SKI: variants seen among roughly 807,000 people sequenced by gnomAD.
SKI encodes SKI proto-oncogene, also known as ski oncogene.
SKI carries 23 observed loss-of-function variants against 59.3 expected under a neutral mutation model. The ratio of observed to expected loss-of-function variants is 0.39; its 90% CI spans 0.28 to 0.55. SKI has a LOEUF of 0.55. SKI is among the 20% of genes least tolerant of loss of function. The pLI is 0.67. For synonymous variants in SKI, 673 were observed against 488.6 expected, an observed-to-expected ratio of 1.38 and a Z score of -4.98; for missense variants, 1,017 against 1,038.9, an observed-to-expected ratio of 0.98 and a Z score of 0.29.
chr1:2,238,174 G>A (rs965362228), intron 1 of SKI, among the ~76,000 whole-genome samples: 17 of 152,214 alleles, frequency 1.1e-4, no homozygotes, highest in African/African-American at 1.9e-4. Flanking sequence ...CTCATTGTCC[G>A]TGCTCAGAGA....
intron 1 of SKI, among the ~76,000 whole-genome samples, chr1:2,291,705 TG>T (rs5772064): frequency 0.88 from 133,091 of 151,580 alleles, 58,557 homozygotes; most frequent in African/African-American, 0.95. Context: ...TCTGGCATTG[TG>T]GGGGGGCCCC....
chr1:2,248,349 CAG>C (rs1286465447), intron 1 of SKI, among the ~76,000 whole-genome samples: 3 of 152,246 alleles, frequency 2.0e-5, no homozygotes, highest in Non-Finnish European at 4.4e-5. Context: ...CTGTGGGACT[CAG>C]GGTGGGTTCT....
chr1:2,264,214 G>A (rs1639449902), intron 1 of SKI, among the ~76,000 whole-genome samples: 1 of 152,202 alleles, frequency 6.6e-6, no homozygotes, highest in East Asian at 1.9e-4. Flanking sequence ...TATTTGCGTA[G>A]GTATAGAATT....
intron 5 of SKI, among the ~76,000 whole-genome samples, 192 bp from the exon 6 acceptor site, chr1:2,305,828 C>T (rs1640559063): frequency 6.6e-6 from 1 of 152,132 alleles, no homozygotes; most frequent in Non-Finnish European, 1.5e-5. Context: ...GCGGAAACTC[C>T]GGATGGGGGT....
At chr1:2,306,418 C>T (rs968942791) in intron 6 of SKI, among the ~76,000 whole-genome samples, 159 bp from the exon 7 acceptor site, 2 of 152,184 alleles carry the variant, frequency 1.3e-5, no homozygotes, top group Non-Finnish European at 2.9e-5. Context: ...TTGCTGGGCC[C>T]TGCGTCTCGT....
chr1:2,294,011 G>T (rs929343501), intron 1 of SKI, among the ~76,000 whole-genome samples: 16 of 152,198 alleles, frequency 1.1e-4, no homozygotes, highest in Admixed American at 6.5e-5. Flanking sequence ...GGCTCCCCAT[G>T]TTTTCTGAGG....
rs1385102115 is a variant in SKI at position 2,303,251 on chromosome 1, C to T, written c.1096-34C>T. The T allele has an allele frequency of 6.2e-7, 1 of 1,608,480 alleles. No homozygotes were observed. The highest frequency in any genetic ancestry group is 8.5e-7 in the Non-Finnish European group (1 of 1,176,440). ...GGACATGAAGTGGCTTGTTTTTCTC[C>T]TGGTCACTCACACAGACAACTCTTT... On this transcript the variant is annotated intron_variant, in intron 2 of 6. Transcript: ENST00000378536. This position sits in a 1 kb window ranked among gnomAD's most constrained non-coding sequence, Gnocchi z 5.6.
At chr1:2,266,679 G>A (rs1380329599) in intron 1 of SKI, among the ~76,000 whole-genome samples, 2 of 152,154 alleles carry the variant, frequency 1.3e-5, no homozygotes, top group African/African-American at 2.4e-5. Context: ...GGCTGCAGGC[G>A]GGCCCTGGCA....
At position 2,256,916 on chromosome 1, in the gene SKI, G is replaced by A. The variant is rs111500938; in HGVS notation, c.969+27181G>A. Among the ~76,000 whole-genome samples, 817 of 152,324 alleles carry A rather than the reference G, an allele frequency of 5.4e-3. 6 individuals are homozygous for A. Among genetic ancestry groups the A allele is most frequent in the African/African-American group, 0.018 (766 of 41,572 alleles). On this transcript the variant is annotated intron_variant, in intron 1 of 6. Coordinates refer to ENST00000378536, the MANE Select transcript of SKI (RefSeq NM_003036.4). ...TTTGTTGCCAGGAGGCTCGCGCCCC[G>A]ATCTTCGGGATGGTGCCCGTGGCAT...
At chr1:2,290,355 C>T (rs1640134258) in intron 1 of SKI, among the ~76,000 whole-genome samples, 1 of 152,118 alleles carries the variant, frequency 6.6e-6, no homozygotes, top group South Asian at 2.1e-4. Flanking sequence ...TGGGGGTAGG[C>T]CAGCCTTCTG....
intron 1 of SKI, among the ~76,000 whole-genome samples, chr1:2,273,565 G>A (rs556415969): frequency 6.6e-6 from 1 of 152,276 alleles, no homozygotes; most frequent in East Asian, 1.9e-4. Context: ...CCCTGCCTGG[G>A]GCGGTCCTCC....
intron 1 of SKI, among the ~76,000 whole-genome samples, chr1:2,289,697 GCTT>G (rs976435259): frequency 6.6e-6 from 1 of 152,134 alleles, no homozygotes; most frequent in Non-Finnish European, 1.5e-5. Flanking sequence ...CCCACCGTGT[GCTT>G]CTTGTCCAGC....
intron 1 of SKI, among the ~76,000 whole-genome samples, chr1:2,279,336 G>T (rs370118580): frequency 6.6e-6 from 1 of 152,132 alleles, no homozygotes; most frequent in East Asian, 1.9e-4. Flanking sequence ...GACGGTGGGC[G>T]TCCTTTCCAG....
intron 1 of SKI, among the ~76,000 whole-genome samples, chr1:2,288,890 C>T (rs1239705879): frequency 6.6e-6 from 1 of 152,196 alleles, no homozygotes; most frequent in Non-Finnish European, 1.5e-5. Flanking sequence ...TGTGTGAGGC[C>T]TGCAGTGGTG....
rs1639584875 is a variant in SKI, at chr1:2,270,120, C to G, written c.970-32858C>G. Among the ~76,000 whole-genome samples, 1 of 152,168 alleles carries G rather than the reference C, an allele frequency of 6.6e-6. No homozygotes were observed. Among genetic ancestry groups the G allele is most frequent in the South Asian group, 2.1e-4 (1 of 4,834 alleles). ...GAGTTTTGCCCAGGGGTGCTGTGCC[C>G]TGGTCATTGTCCCCTACAGCCAGGC... On this transcript the variant is annotated intron_variant, in intron 1 of 6. Transcript: ENST00000378536. This position sits in a 1 kb window ranked among gnomAD's most constrained non-coding sequence, Gnocchi z 4.1.
At position 2,229,367 on chromosome 1, in the gene SKI, A is replaced by G. The variant is rs1184979307; in HGVS notation, c.601A>G (p.Lys201Glu). The change falls in exon 1 of 7, where the codon AAG becomes GAG. Residue 201 changes from lysine to glutamate, a missense_variant. Transcript: ENST00000378536. This position sits in a 1 kb window ranked among gnomAD's most constrained non-coding sequence, Gnocchi z 6.3. ...CGGCGCCTACCCGCCGCCCTGCAAG[A>G]AGGAGCTGGCCGCCAGCCTGGCGCT... is the stretch of plus-strand genomic sequence containing the variant. The part of the protein sequence containing the change: ...YGGAYPPPCK[K>E]ELAASLALGL... 1 of 1,600,264 alleles carries G rather than the reference A, an allele frequency of 6.2e-7. No individual in the cohort carries two copies. The highest frequency in any genetic ancestry group is 8.5e-7 in the Non-Finnish European group (1 of 1,173,794).
rs561840450 is a variant in SKI, at chr1:2,273,306, C to T, written c.970-29672C>T. Among the ~76,000 whole-genome samples the T allele has an allele frequency of 3.2e-4, 48 of 152,172 alleles. No individual in the cohort carries two copies. In the South Asian group the frequency reaches 9.8e-3, roughly 31 times the overall value. On this transcript the variant is annotated intron_variant, in intron 1 of 6. Transcript: ENST00000378536. ...GGGGTCCCTGTCCTGGCCGGCCACT[C>T]CTCCTTCCCGCCAGTGCCGGAGACC...
chr1:2,244,363 A>G (rs1235437785), intron 1 of SKI, among the ~76,000 whole-genome samples: 1 of 152,052 alleles, frequency 6.6e-6, no homozygotes, highest in East Asian at 1.9e-4. Flanking sequence ...GGATCACTTG[A>G]GGTCAGGTTT....
rs1292299989 is a variant in SKI at position 2,306,760 on chromosome 1, C to G, written c.2182C>G (p.Pro728Ala). The change falls in exon 7 of 7, where the codon CCG (proline) becomes GCG (alanine). Residue 728 changes from proline (P) to alanine (A), a missense_variant. Coordinates refer to ENST00000378536, the MANE Select transcript of SKI (RefSeq NM_003036.4). ...AGSEGAAELE[P>A] ...CAGCGAGGGCGCTGCGGAGCTGGAG[C>G]CGTAGATTCCGTGCCTGCCGCCGCA... 2 of 1,514,012 alleles carry G rather than the reference C, an allele frequency of 1.3e-6. No homozygotes were observed. Among genetic ancestry groups the G allele is most frequent in the Non-Finnish European group, 1.8e-6 (2 of 1,134,898 alleles). The allele number at this position is 1,514,012 out of a possible 1,614,324, so 93.8% of individuals were successfully genotyped here.
Sources: allele counts gnomAD v4.1 joint callset (sites outside exome capture counted in the v4.1 genomes callset), GRCh38; gene constraint gnomAD v4.1.1; non-coding constraint Gnocchi (gnomAD v3.1); transcripts MANE v1.5; gene names NCBI Gene and HGNC (gene_info 2026-07-23, HGNC 2026-07-21).